KLHDC4: variants seen among roughly 807,000 people sequenced by gnomAD.
The protein encoded by KLHDC4 is kelch domain containing 4.
Under a neutral mutation model 62.4 loss-of-function variants are expected in KLHDC4, and 90 were observed. The ratio of observed to expected loss-of-function variants is 1.44; its 90% CI spans 1.22 to 1.72. The LOEUF (loss-of-function observed/expected upper bound fraction) is 1.72. Among genes scored for constraint, KLHDC4 ranks in the 40% most tolerant of loss-of-function variants. The probability of loss-of-function intolerance (pLI) is 0.00; values close to 1 mark genes in which losing one functional copy is unlikely to be tolerated. For missense variants in KLHDC4, 1,025 were observed against 699.7 expected, an observed-to-expected ratio of 1.47 and a Z score of -5.25; for synonymous variants, 386 against 284.4, an observed-to-expected ratio of 1.36 and a Z score of -3.59.
intron 4 of KLHDC4, among the ~76,000 whole-genome samples, chr16:87,751,274 G>C (rs977089473): frequency 1.3e-5 from 2 of 152,146 alleles, no homozygotes; most frequent in African/African-American, 2.4e-5. Flanking sequence ...AGGAGTTTGA[G>C]ACCAGCCTGA....
chr16:87,716,148 T>G (rs1352564099), intron 7 of KLHDC4, among the ~76,000 whole-genome samples: 3 of 150,116 alleles, frequency 2.0e-5, no homozygotes, highest in South Asian at 2.1e-4. Context: ...TATGTAGACT[T>G]TGGGTACGCG....
chr16:87,721,730 C>T (rs1471675470), intron 7 of KLHDC4, among the ~76,000 whole-genome samples: 1 of 152,256 alleles, frequency 6.6e-6, no homozygotes, highest in Non-Finnish European at 1.5e-5. Flanking sequence ...CCTCTGCCAG[C>T]ATGCTCCACG....
At chr16:87,706,916 C>T (rs1293750657), downstream of KLHDC4, among the ~76,000 whole-genome samples, 1 of 152,230 alleles carries the variant, frequency 6.6e-6, no homozygotes, top group African/African-American at 2.4e-5. Flanking sequence ...CAGCTTCTAG[C>T]CCTCTCCCAG....
intron 5 of KLHDC4, among the ~76,000 whole-genome samples, chr16:87,735,986 C>G (rs1374313266): frequency 6.6e-6 from 1 of 152,226 alleles, no homozygotes; most frequent in East Asian, 1.9e-4. Flanking sequence ...GTTAAGCACT[C>G]TGCATGCAAA....
At position 87,722,229 on chromosome 16, in the gene KLHDC4, G is replaced by A. The variant is rs567145083; in HGVS notation, c.759+4536C>T. 5.3e-5 allele frequency among the ~76,000 whole-genome samples: 8 copies of A among 152,326 alleles called. No homozygotes were observed. The South Asian group carries it at 8.3e-4, about 16-fold the overall frequency. On this transcript the variant is annotated intron_variant, in intron 7 of 11. Transcript: ENST00000270583. ...CAGACTGACTCGGAATTTATAAAAC[G>A]TGGTTACGATACTGACCAAAGCTGC...
intron 5 of KLHDC4, chr16:87,747,696 C>G (rs1180792496): frequency 6.6e-6 from 1 of 152,382 alleles, no homozygotes; most frequent in African/African-American, 2.4e-5. Flanking sequence ...GGTTAACATT[C>G]CCGGCCTAGA....
intron 1 of KLHDC4, among the ~76,000 whole-genome samples, chr16:87,762,543 TCTTG>T (rs1025061550): frequency 5.3e-5 from 8 of 152,360 alleles, no homozygotes; most frequent in African/African-American, 1.4e-4. Context: ...GATATATTTC[TCTTG>T]CTTATTTGTT....
At chr16:87,761,923 C>A (rs762471117) in intron 2 of KLHDC4, 26 bp downstream of exon 2, 48 of 1,607,144 alleles carry the variant, frequency 3.0e-5, no homozygotes, top group Non-Finnish European at 3.9e-5. Context: ...AGGAAACATA[C>A]AATATGAAAA....
At chr16:87,750,669 G>A (rs2043790368) in intron 4 of KLHDC4, among the ~76,000 whole-genome samples, 1 of 152,200 alleles carries the variant, frequency 6.6e-6, no homozygotes, top group Admixed American at 6.5e-5. Flanking sequence ...TCCTCAGCAG[G>A]CTCCCTCCCG....
chr16:87,765,894 G>A lies in KLHDC4; in HGVS notation c.-4C>T, dbSNP rs1035961657. The A allele has an allele frequency of 2.6e-6, 4 of 1,550,984 alleles. No individual in the cohort carries two copies. The African/African-American group carries it at 4.1e-5, about 16-fold the overall frequency. ...CCTTCTTGCCCTTCTTGCCCATCTT[G>A]CCGGGTCCCAAGCCGCGACGGGACA... On this transcript the variant is annotated 5_prime_UTR_variant, in exon 1 of 12. Transcript: ENST00000270583.
At chr16:87,729,213 G>C (rs1043658775) in intron 6 of KLHDC4, 2 of 152,218 alleles carry the variant, frequency 1.3e-5, no homozygotes, top group African/African-American at 4.8e-5. Context: ...AACCCGGCTG[G>C]GCGCGGTGGC....
chr16:87,716,874 G>A (rs368271465), intron 7 of KLHDC4, among the ~76,000 whole-genome samples: 53 of 152,326 alleles, frequency 3.5e-4, no homozygotes, highest in East Asian at 1.5e-3. Flanking sequence ...GGAGCTTGCA[G>A]TGAGCCGAGA....
downstream of KLHDC4, among the ~76,000 whole-genome samples, chr16:87,707,466 C>T (rs1006256368): frequency 6.6e-6 from 1 of 152,208 alleles, no homozygotes; most frequent in Non-Finnish European, 1.5e-5. Flanking sequence ...CACCACGAGA[C>T]CCCCGTGTGC....
chr16:87,757,168 T>TGA, intron 2 of KLHDC4, among the ~76,000 whole-genome samples: 1 of 151,194 alleles, frequency 6.6e-6, no homozygotes, highest in Non-Finnish European at 1.5e-5. Context: ...TCAAAACCAT[T>TGA]CTAAAAAGTC....
At chr16:87,747,297 A>C (rs983616662) in intron 5 of KLHDC4, among the ~76,000 whole-genome samples, 1 of 152,224 alleles carries the variant, frequency 6.6e-6, no homozygotes, top group African/African-American at 2.4e-5. Flanking sequence ...AACAAGAGAT[A>C]CCAAAGCTGA....
Position 87,726,838 on chromosome 16 carries a change from G to C in KLHDC4, c.686C>G (p.Thr229Arg). ...GGACATCTGGCAGCCTGATCTGGGT[G>C]TGGGCCCCGTCCCTGACGGGGACAG... is the stretch of plus-strand genomic sequence containing the variant. ...SKLSPSGTGP[T>R]PRSGCQMSVT... Residue 229 changes from threonine (T) to arginine (R), a missense_variant, in exon 7 of 12, where the codon ACA (threonine) becomes AGA (arginine). By Grantham distance (71) the Thr-to-Arg change is moderately conservative. Coordinates refer to ENST00000270583, the MANE Select transcript of KLHDC4 (RefSeq NM_017566.4). The C allele has an allele frequency of 6.2e-7, 1 of 1,613,074 alleles. No homozygotes were observed. Among genetic ancestry groups the C allele is most frequent in the Non-Finnish European group, 8.5e-7 (1 of 1,179,608 alleles).
intron 7 of KLHDC4, among the ~76,000 whole-genome samples, chr16:87,722,843 G>T (rs939166812): frequency 3.9e-5 from 6 of 152,252 alleles, no homozygotes; most frequent in African/African-American, 1.2e-4. Flanking sequence ...GCAGTGCATG[G>T]CAGTGGGCAG....
chr16:87,740,158 C>T (rs955924830), intron 5 of KLHDC4, among the ~76,000 whole-genome samples: 6 of 152,176 alleles, frequency 3.9e-5, no homozygotes, highest in African/African-American at 7.2e-5. Context: ...CCTGGAGAAA[C>T]GCTGGCTGTG....
At chr16:87,702,195 A>C (rs1382150528) in exon 1 of KLHDC4, 1 of 456,284 alleles carries the variant, frequency 2.2e-6, no homozygotes, top group East Asian at 7.0e-5. Context: ...TTGACAACCC[A>C]AGGGCTGCCT....
Sources: gnomAD v4.1 joint callset for allele counts (sites outside exome capture counted in the v4.1 genomes callset) on GRCh38, gnomAD v4.1.1 for gene constraint, MANE v1.5 for transcripts, NCBI Gene and HGNC (gene_info 2026-07-23, HGNC 2026-07-21) for gene names.